The following VEZF1 variants were observed in gnomAD, a reference collection of about 807,000 sequenced individuals.
VEZF1 encodes vascular endothelial zinc finger 1.
Under a neutral mutation model 44.1 loss-of-function variants are expected in VEZF1, and 5 were observed. That is an observed-to-expected ratio of 0.11 (90% CI 0.06 to 0.24). The LOEUF is 0.24. Among genes scored for constraint, VEZF1 ranks in the 10% least tolerant of loss-of-function variants. The probability of loss-of-function intolerance (pLI) is 1.00; values close to 1 mark genes in which losing one functional copy is unlikely to be tolerated. For missense variants in VEZF1, 358 were observed against 641.8 expected, an observed-to-expected ratio of 0.56 and a Z score of 4.78; for synonymous variants, 236 against 233.1, an observed-to-expected ratio of 1.01 and a Z score of -0.11.
intron 4 of VEZF1, among the ~76,000 whole-genome samples, chr17:57,979,991 AC>A (rs2075233345): frequency 6.0e-5 from 9 of 149,482 alleles, no homozygotes; most frequent in African/African-American, 2.0e-4. Context: ...AAAAAAAAAA[AC>A]AAAAAAAACA....
rs1458779729 is a variant in VEZF1, at chr17:57,972,517, CA to C, written c.*1955del. 2.0e-5 allele frequency: 3 copies of C among 152,750 alleles called. No homozygotes were observed. In the East Asian group the frequency reaches 5.8e-4, roughly 29 times the overall value. The allele number at this position is 152,750 out of a possible 1,614,324, so 9.5% of individuals were successfully genotyped here. A position where few individuals can be genotyped will look rare whatever the true frequency, so the allele number is the denominator to read the frequency against. On this transcript the variant is annotated 3_prime_UTR_variant, in exon 6 of 6. Transcript: ENST00000581208. ...CACATAATGCTCTACATATTAAAAA[CA>C]AACCATTTTTGTACTGTGGATAAGA...
In VEZF1 at chr17:57,980,634, G is replaced by A. The variant is rs1177575117; in HGVS notation, c.945C>T (p.Asn315=). The A allele has an allele frequency of 2.5e-6, 4 of 1,613,212 alleles. No individual in the cohort carries two copies. Among genetic ancestry groups the A allele is most frequent in the Non-Finnish European group, 3.4e-6 (4 of 1,180,042 alleles). ...LKTHGQSQSI[N]CNTCKQGISK... ...TGATGCCTTGTTTACATGTATTACA[G>A]TTGATACTTTGGCTCTGCCCATGAG... The change falls in exon 4 of 6, where the codon AAC becomes AAT. Residue 315 remains asparagine, a synonymous_variant. Transcript: ENST00000581208.
In VEZF1 at chr17:57,979,917, C is replaced by T. The variant is rs1380229969; in HGVS notation, c.977-604G>A. Reference sequence around the variant, plus strand: ...CCCAGGAGGCGGAGGTTGCAGTGAGCCGAGATCGTGCCATTGCACTTCAGC... The same window carrying T: ...CCCAGGAGGCGGAGGTTGCAGTGAGTCGAGATCGTGCCATTGCACTTCAGC... On this transcript the variant is annotated intron_variant, in intron 4 of 5. Coordinates refer to ENST00000581208, the MANE Select transcript of VEZF1 (RefSeq NM_007146.3). 4.0e-5 allele frequency among the ~76,000 whole-genome samples: 6 copies of T among 149,620 alleles called. No homozygotes were observed. In the Admixed American group the frequency reaches 4.0e-4, roughly 10 times the overall value.
At chr17:57,978,611 G>A (rs1378356001) in intron 5 of VEZF1, among the ~76,000 whole-genome samples, 2 of 152,108 alleles carry the variant, frequency 1.3e-5, no homozygotes, top group East Asian at 1.9e-4. Flanking sequence ...GATATGTTAA[G>A]GCCAGCCAGT....
At position 57,973,900 on chromosome 17, in the gene VEZF1, A is replaced by G. The variant is rs911509794; in HGVS notation, c.*573T>C. The G allele has an allele frequency of 4.4e-5, 7 of 158,344 alleles. No individual in the cohort carries two copies. The highest frequency in any genetic ancestry group is 1.7e-4 in the African/African-American group (7 of 41,470). The allele number at this position is 158,344 out of a possible 1,614,324, so 9.8% of individuals were successfully genotyped here. A position where few individuals can be genotyped will look rare whatever the true frequency, so the allele number is the denominator to read the frequency against. ...ATATGCTTTGCATATCAGAGCTGGTATCACCTTTCCCATAGGGAATGCTGC... is the reference window on the plus strand; with the variant it reads ...ATATGCTTTGCATATCAGAGCTGGTGTCACCTTTCCCATAGGGAATGCTGC... On this transcript the variant is annotated 3_prime_UTR_variant, in exon 6 of 6. Transcript: ENST00000581208.
intron 5 of VEZF1, among the ~76,000 whole-genome samples, chr17:57,978,095 C>T (rs1171630942): frequency 6.6e-6 from 1 of 151,542 alleles, no homozygotes; most frequent in Non-Finnish European, 1.5e-5. Context: ...CCTGGCTACC[C>T]GGGAGGCTGA....
intron 5 of VEZF1, among the ~76,000 whole-genome samples, chr17:57,975,855 T>C (rs934037889): frequency 1.3e-5 from 2 of 152,126 alleles, no homozygotes; most frequent in Non-Finnish European, 2.9e-5. Flanking sequence ...TGGAGTGCAG[T>C]AGCATGATCA....
chr17:57,988,061 CGG>C lies in VEZF1; in HGVS notation c.33+16_33+17del. On this transcript the variant is annotated intron_variant, in intron 1 of 5. Coordinates refer to ENST00000581208, the MANE Select transcript of VEZF1 (RefSeq NM_007146.3). The stretch of plus-strand genomic sequence containing the variant: ...CCCCCCTGTCCCCCCCGTGCCCCCC[CGG>C]GGGGGCCCCCAGTACCTGGAACAGG... 2.4e-6 allele frequency: 1 copy of C among 410,794 alleles called. No individual in the cohort carries two copies. Among genetic ancestry groups the C allele is most frequent in the Non-Finnish European group, 3.6e-6 (1 of 277,534 alleles). The allele number at this position is 410,794 out of a possible 1,614,324, so 25.4% of individuals were successfully genotyped here.
At position 57,974,114 on chromosome 17, in the gene VEZF1, T is replaced by G. The variant is rs1341748394; in HGVS notation, c.*359A>C. The G allele has an allele frequency of 2.9e-5, 7 of 243,696 alleles. No individual in the cohort carries two copies. Among genetic ancestry groups the G allele is most frequent in the Non-Finnish European group, 3.2e-5 (4 of 124,726 alleles). 15.1% of individuals were successfully genotyped at this position (243,696 alleles called of 1,614,324 possible). ...TATAGGGAGAAGAGTTCTGCTAGTG[T>G]TTACAATAAAGTGATTCCTTGGGAT... On this transcript the variant is annotated 3_prime_UTR_variant, in exon 6 of 6. Coordinates refer to ENST00000581208, the MANE Select transcript of VEZF1 (RefSeq NM_007146.3).
rs990392320 is a variant in VEZF1 at position 57,979,237 on chromosome 17, T to C, written c.1053A>G (p.Gln351=). The C allele has an allele frequency of 9.3e-6, 15 of 1,612,082 alleles. No individual in the cohort carries two copies. The highest frequency in any genetic ancestry group is 4.1e-5 in the African/African-American group (3 of 74,042). Residue 351 remains glutamine, a synonymous_variant, in exon 5 of 6, where the codon CAA becomes CAG. Coordinates refer to ENST00000581208, the MANE Select transcript of VEZF1 (RefSeq NM_007146.3). ...GCCAGCTTGTCACATGTTGTTGTTG[T>C]TGTTGTTGCTGCTGCTGCTGCTGCT... ...QQQQQQQQQQ[Q]QQQHVTSWPG... is the part of the protein sequence containing the mutation.
chr17:57,986,751 G>A (rs901483181), intron 1 of VEZF1, among the ~76,000 whole-genome samples: 2 of 152,218 alleles, frequency 1.3e-5, no homozygotes, highest in South Asian at 2.1e-4. Flanking sequence ...ACTCCACTAG[G>A]ATGAATCCAG....
At chr17:57,984,556 T>A (rs889293335) in intron 1 of VEZF1, among the ~76,000 whole-genome samples, 19 of 152,192 alleles carry the variant, frequency 1.2e-4, no homozygotes, top group African/African-American at 4.1e-4. Flanking sequence ...TTTCAAATAT[T>A]TTAAGCATAC....
At chr17:57,976,896 A>G (rs1042705182) in intron 5 of VEZF1, among the ~76,000 whole-genome samples, 1 of 151,902 alleles carries the variant, frequency 6.6e-6, no homozygotes, top group African/African-American at 2.4e-5. Context: ...TGCTTTCACC[A>G]AAGAATTTTT....
intron 4 of VEZF1, among the ~76,000 whole-genome samples, chr17:57,979,839 G>A (rs1450998172): frequency 6.6e-6 from 1 of 151,848 alleles, no homozygotes; most frequent in African/African-American, 2.4e-5. Context: ...GCATGGCAGT[G>A]TGCACCTGTA....
At chr17:57,986,640 T>C (rs1297553326) in intron 1 of VEZF1, among the ~76,000 whole-genome samples, 1 of 152,230 alleles carries the variant, frequency 6.6e-6, no homozygotes, top group African/African-American at 2.4e-5. Context: ...TTTCCATAAC[T>C]ACTTAAAGAT....
chr17:57,978,613 C>A (rs2075215231), intron 5 of VEZF1, among the ~76,000 whole-genome samples: 1 of 151,992 alleles, frequency 6.6e-6, no homozygotes. Context: ...TATGTTAAGG[C>A]CAGCCAGTGA....
chr17:57,987,568 G>C (rs947003550), intron 1 of VEZF1, among the ~76,000 whole-genome samples: 2 of 151,976 alleles, frequency 1.3e-5, no homozygotes, highest in South Asian at 4.1e-4. Context: ...ACACACGCAC[G>C]CACACACACA....
At chr17:57,979,970 C>CAAAAAAAAAAAAA (rs11359148) in intron 4 of VEZF1, among the ~76,000 whole-genome samples, 2 of 68,440 alleles carry the variant, frequency 2.9e-5, no homozygotes, top group Non-Finnish European at 6.6e-5. Context: ...GACTCCGTCT[C>CAAAAAAAAAAAAA]AAAAAAAAAA....
In VEZF1 at chr17:57,981,899, A is replaced by T; in HGVS notation, c.766T>A (p.Ser256Thr). 6.2e-7 allele frequency: 1 copy of T among 1,614,190 alleles called. No homozygotes were observed. The highest frequency in any genetic ancestry group is 8.5e-7 in the Non-Finnish European group (1 of 1,180,010). The change falls in exon 3 of 6, where the codon TCA (serine) becomes ACA (threonine). Residue 256 changes from serine to threonine, a missense_variant. Ser to Thr is a moderately conservative substitution (Grantham distance 58). This residue lies in a region of VEZF1 where 48 missense variants were observed against 144.9 expected (regional missense o/e 0.33). Coordinates refer to ENST00000581208, the MANE Select transcript of VEZF1 (RefSeq NM_007146.3). Reference protein sequence around the residue: ...HLSCHVKHVHSTERPFKCQTC... With the variant: ...HLSCHVKHVHTTERPFKCQTC... ...TGGCATTTGAAGGGTCTTTCTGTTG[A>T]ATGGACATGTTTTACATGACAGCTT...
Sources: allele counts gnomAD v4.1 joint callset (sites outside exome capture counted in the v4.1 genomes callset), GRCh38; gene constraint gnomAD v4.1.1; regional missense constraint gnomAD v4.1.1; transcripts MANE v1.5; gene names NCBI Gene and HGNC (gene_info 2026-07-23, HGNC 2026-07-21).